Variants in CFAP221 observed in about 807,000 individuals in gnomAD.
The protein encoded by CFAP221 is cilia- and flagella-associated protein 221.
CFAP221 carries 97 observed loss-of-function variants against 113.1 expected under a neutral mutation model. The ratio of observed to expected loss-of-function variants is 0.86; its 90% confidence interval spans 0.73 to 1.02. The LOEUF (loss-of-function observed/expected upper bound fraction) is 1.02, where lower values mean the gene tolerates loss of function less well. Ranked by LOEUF, CFAP221 falls within the 50% of genes least tolerant of loss-of-function variation. The pLI, the probability that CFAP221 is intolerant of heterozygous loss-of-function variation, is 0.00. For synonymous variants in CFAP221, 331 were observed against 354.4 expected, an observed-to-expected ratio of 0.93 and a Z score of 0.74; for missense variants, 1,025 against 1,013.4, an observed-to-expected ratio of 1.01 and a Z score of -0.16.
intron 6 of CFAP221, among the ~76,000 whole-genome samples, chr2:119,578,487 T>C (rs1301903836): frequency 3.3e-5 from 5 of 152,222 alleles, no homozygotes; most frequent in Non-Finnish European, 5.9e-5. Flanking sequence ...CAATGAGCAG[T>C]TGACAATGGA....
At chr2:119,615,192 G>A (rs1574139432) in intron 13 of CFAP221, among the ~76,000 whole-genome samples, 1 of 152,200 alleles carries the variant, frequency 6.6e-6, no homozygotes, top group Non-Finnish European at 1.5e-5. Context: ...GGACATGCAG[G>A]CACATGTGGG....
intron 6 of CFAP221, among the ~76,000 whole-genome samples, chr2:119,577,828 GA>G (rs1431006235): frequency 6.6e-6 from 1 of 152,200 alleles, no homozygotes; most frequent in Non-Finnish European, 1.5e-5. Context: ...AATGAAGCAG[GA>G]AAGAGAATGT....
chr2:119,578,086 T>C (rs1682580680), intron 6 of CFAP221, among the ~76,000 whole-genome samples: 1 of 152,230 alleles, frequency 6.6e-6, no homozygotes, highest in Non-Finnish European at 1.5e-5. Flanking sequence ...GCTGGAAGTC[T>C]GGTTCTGTCC....
Position 119,615,621 on chromosome 2 carries a change from A to G in CFAP221, c.1322A>G (p.Glu441Gly). The change falls in exon 14 of 24, where the codon GAA becomes GGA. Residue 441 changes from glutamate (E) to glycine (G), a missense_variant. Transcript: ENST00000413369. ...ATTTTATATTCACAGAAAATCAAGG[A>G]ATTTCATCCTACTTTTGATCCACTC... is the stretch of plus-strand genomic sequence containing the variant. ...VVRNQEEKIK[E>G]FHPTFDPLIN... is the part of the protein sequence containing the mutation. The G allele has an allele frequency of 6.2e-7, 1 of 1,606,330 alleles. No homozygotes were observed. The highest frequency in any genetic ancestry group is 1.1e-5 in the South Asian group (1 of 89,104).
At chr2:119,656,113 G>T (rs1436975164) in intron 23 of CFAP221, 2 of 461,280 alleles carry the variant, frequency 4.3e-6, no homozygotes. Flanking sequence ...AGGAAACAGG[G>T]GCTGTGGATT....
chr2:119,615,876 C>T (rs189226628), intron 14 of CFAP221, among the ~76,000 whole-genome samples, 167 bp downstream of exon 14: 15 of 152,236 alleles, frequency 9.9e-5, no homozygotes, highest in Admixed American at 7.8e-4. Flanking sequence ...TAGAGCTGGG[C>T]AGCCATCACC....
intron 14 of CFAP221, among the ~76,000 whole-genome samples, chr2:119,619,556 G>A (rs919894705): frequency 6.6e-6 from 1 of 152,126 alleles, no homozygotes; most frequent in Non-Finnish European, 1.5e-5. Flanking sequence ...CAACAAGAAG[G>A]ATGTCCAAAC....
chr2:119,564,504 T>C (rs939899963), intron 6 of CFAP221, among the ~76,000 whole-genome samples: 1 of 152,232 alleles, frequency 6.6e-6, no homozygotes, highest in African/African-American at 2.4e-5. Context: ...GCAATCACTC[T>C]TCTGAATCTT....
chr2:119,609,989 T>C (rs1175889205), intron 12 of CFAP221, among the ~76,000 whole-genome samples: 1 of 152,230 alleles, frequency 6.6e-6, no homozygotes, highest in Non-Finnish European at 1.5e-5. Flanking sequence ...ATATTAGATG[T>C]GCATTTAAAT....
Position 119,604,991 on chromosome 2 carries a change from A to T in CFAP221, c.1024+4A>T, listed in dbSNP as rs1251134431. 24 of 1,612,604 alleles carry T rather than the reference A, an allele frequency of 1.5e-5. No homozygotes were observed. The highest frequency in any genetic ancestry group is 1.9e-5 in the Non-Finnish European group (22 of 1,178,808). On this transcript the variant is annotated splice_donor_region_variant and intron_variant, in intron 10 of 23. Coordinates refer to ENST00000413369, the MANE Select transcript of CFAP221 (RefSeq NM_001271049.2). Reference sequence around the variant, plus strand: ...AAGATTAAAGAATTAAGAGAAGGTAACCAGTTGATTGGCCATAAAGCAGCC... The same window carrying T: ...AAGATTAAAGAATTAAGAGAAGGTATCCAGTTGATTGGCCATAAAGCAGCC...
intron 22 of CFAP221, among the ~76,000 whole-genome samples, chr2:119,651,490 A>G (rs1371344319): frequency 7.2e-5 from 1 of 13,806 alleles, no homozygotes; most frequent in African/African-American, 1.4e-4. Flanking sequence ...CCACAAAAAG[A>G]TCGAAAAAAA....
intron 20 of CFAP221, 38 bp downstream of exon 20, chr2:119,638,455 G>A: frequency 6.2e-7 from 1 of 1,611,930 alleles, no homozygotes; most frequent in African/African-American, 1.3e-5. Flanking sequence ...GAGTGACCCT[G>A]GGCTGCAGGG....
intron 19 of CFAP221, among the ~76,000 whole-genome samples, chr2:119,635,142 TGCA>T (rs1687036867): frequency 6.6e-6 from 1 of 152,192 alleles, no homozygotes; most frequent in African/African-American, 2.4e-5. Context: ...TCATTAACAA[TGCA>T]AATTAAAACG....
At chr2:119,595,517 T>C (rs1387740806) in intron 7 of CFAP221, among the ~76,000 whole-genome samples, 2 of 152,176 alleles carry the variant, frequency 1.3e-5, no homozygotes, top group African/African-American at 4.8e-5. Context: ...CCAGAAATGC[T>C]CTGCGCTTGG....
intron 21 of CFAP221, among the ~76,000 whole-genome samples, chr2:119,646,342 AGCTTCTGCTTG>A (rs1321076091): frequency 6.6e-6 from 1 of 152,202 alleles, no homozygotes; most frequent in East Asian, 1.9e-4. Context: ...GAAGCAGGAC[AGCTTCTGCTTG>A]GCTTCTGCGG....
At chr2:119,592,713 T>A (rs910844997) in intron 7 of CFAP221, among the ~76,000 whole-genome samples, 3 of 152,240 alleles carry the variant, frequency 2.0e-5, no homozygotes, top group African/African-American at 7.2e-5. Flanking sequence ...TGACAGTGTC[T>A]CTCTGCTGTC....
intron 6 of CFAP221, among the ~76,000 whole-genome samples, chr2:119,572,091 C>T (rs975896419): frequency 2.0e-5 from 3 of 152,218 alleles, no homozygotes; most frequent in Non-Finnish European, 4.4e-5. Flanking sequence ...TCGTCAGATG[C>T]ATTTTCAGTG....
At chr2:119,586,193 G>A (rs115159232) in intron 6 of CFAP221, among the ~76,000 whole-genome samples, 118 of 152,210 alleles carry the variant, frequency 7.8e-4, no homozygotes, top group African/African-American at 2.7e-3. Flanking sequence ...GAAGGGAGGG[G>A]TGCAAAAATA....
At chr2:119,556,705 A>G (rs1295283713) in intron 3 of CFAP221, among the ~76,000 whole-genome samples, 1 of 151,562 alleles carries the variant, frequency 6.6e-6, no homozygotes, top group African/African-American at 2.4e-5. Flanking sequence ...GGCTCCCACC[A>G]CCACGCCCAG....
Sources: gnomAD v4.1 joint callset for allele counts (sites outside exome capture counted in the v4.1 genomes callset) on GRCh38, gnomAD v4.1.1 for gene constraint, MANE v1.5 for transcripts, NCBI Gene and HGNC (gene_info 2026-07-23, HGNC 2026-07-21) for gene names.